The following MSH4 variants were observed in gnomAD, a reference collection of about 807,000 sequenced individuals.
MSH4 encodes mutS homolog 4, also known as mutS protein homolog 4.
In MSH4, 106 loss-of-function variants were observed where a neutral mutation model predicts 113.7. That is an observed-to-expected ratio of 0.93 (90% CI 0.80 to 1.10). The LOEUF (loss-of-function observed/expected upper bound fraction) is 1.10. Ranked by LOEUF, MSH4 falls within the 50% of genes least tolerant of loss-of-function variation. The pLI is 0.00. For synonymous variants in MSH4, 368 were observed against 380.2 expected (o/e 0.97, Z 0.37); for missense variants, 1,061 against 1,093.7 (o/e 0.97, Z 0.42).
intron 17 of MSH4, among the ~76,000 whole-genome samples, chr1:75,895,887 A>G (rs536077332): frequency 7.7e-4 from 117 of 152,204 alleles, no homozygotes; most frequent in Non-Finnish European, 1.3e-3. Context: ...GGAGATGCCT[A>G]TGGATGCCAA....
At chr1:75,832,684 A>G (rs1179949497) in intron 7 of MSH4, among the ~76,000 whole-genome samples, 2 of 151,982 alleles carry the variant, frequency 1.3e-5, no homozygotes, top group Non-Finnish European at 2.9e-5. Context: ...AAAGGCAAAA[A>G]CTCATGATTA....
intron 10 of MSH4, 139 bp downstream of exon 10, chr1:75,877,139 A>C (rs1342944068): frequency 4.5e-6 from 2 of 443,538 alleles, no homozygotes; most frequent in African/African-American, 2.0e-5. Flanking sequence ...TATTCATCAA[A>C]ATTCTAATTG....
At chr1:75,810,882 A>AT in intron 4 of MSH4, 75 bp downstream of exon 4, 3 of 732,764 alleles carry the variant, frequency 4.1e-6, no homozygotes, top group South Asian at 2.5e-5. Flanking sequence ...TTATTTATTT[A>AT]TTTTTTTGAG....
intron 7 of MSH4, among the ~76,000 whole-genome samples, chr1:75,832,167 A>T (rs989580801): frequency 6.6e-6 from 1 of 152,248 alleles, no homozygotes; most frequent in Admixed American, 6.5e-5. Flanking sequence ...CCTCTATGCA[A>T]ATAAACTAGA....
At chr1:75,866,810 A>C (rs1350073749) in intron 8 of MSH4, among the ~76,000 whole-genome samples, 3 of 151,532 alleles carry the variant, frequency 2.0e-5, no homozygotes, top group Non-Finnish European at 2.9e-5. Flanking sequence ...GTGAAACCCC[A>C]TCTCTATTAA....
Position 75,848,267 on chromosome 1 carries a change from G to A in MSH4, c.1221G>A (p.Lys407=). 1 of 1,598,018 alleles carries A rather than the reference G, an allele frequency of 6.3e-7. No homozygotes were observed. Among genetic ancestry groups the A allele is most frequent in the Non-Finnish European group, 8.6e-7 (1 of 1,166,666 alleles). ...QLLSVLVQIP[K]QDTVNAAESK... ...TTTCTGTTTTAGTCCAAATTCCAAAGCAAGACACGGTATGTTTTTGTATAC... is the reference window on the plus strand; with the variant it reads ...TTTCTGTTTTAGTCCAAATTCCAAAACAAGACACGGTATGTTTTTGTATAC... The change falls in exon 8 of 20, where the codon AAG becomes AAA. Residue 407 remains lysine (K), a synonymous_variant. Coordinates refer to ENST00000263187, the MANE Select transcript of MSH4 (RefSeq NM_002440.4).
chr1:75,856,560 A>G (rs1477103655), intron 8 of MSH4, among the ~76,000 whole-genome samples: 5 of 152,174 alleles, frequency 3.3e-5, no homozygotes, highest in Admixed American at 2.6e-4. Context: ...ATCTTGTGAT[A>G]GTTTGCTGAG....
At chr1:75,845,298 A>G (rs574361444) in intron 7 of MSH4, among the ~76,000 whole-genome samples, 2 of 152,294 alleles carry the variant, frequency 1.3e-5, no homozygotes, top group African/African-American at 4.8e-5. Context: ...AAAGTCCAGA[A>G]TCTCATCTGA....
intron 19 of MSH4, among the ~76,000 whole-genome samples, chr1:75,910,344 CTA>C (rs1652762707): frequency 6.6e-6 from 1 of 152,074 alleles, no homozygotes; most frequent in Admixed American, 6.6e-5. Flanking sequence ...CCTCTCTTGG[CTA>C]TGTGGAATTA....
intron 6 of MSH4, among the ~76,000 whole-genome samples, chr1:75,821,824 T>C (rs1650421010): frequency 6.6e-6 from 1 of 152,184 alleles, no homozygotes; most frequent in African/African-American, 2.4e-5. Context: ...TCCATGCTGG[T>C]CTTGAACTCC....
At chr1:75,821,822 G>T (rs998364810) in intron 6 of MSH4, among the ~76,000 whole-genome samples, 2 of 152,072 alleles carry the variant, frequency 1.3e-5, no homozygotes, top group African/African-American at 4.8e-5. Context: ...TGTCCATGCT[G>T]GTCTTGAACT....
Position 75,889,298 on chromosome 1 carries a change from A to G in MSH4, c.2155A>G (p.Ile719Val), listed in dbSNP as rs1203487956. ...EYSSFRIAKQIFTRISTDDDI... is the reference protein window; with the variant it reads ...EYSSFRIAKQVFTRISTDDDI... ...TTCTTCCTTTAGAATTGCTAAACAG[A>G]TTTTTACAAGAATTAGTACTGATGA... is the stretch of plus-strand genomic sequence containing the variant. The change falls in exon 16 of 20, where the codon ATT becomes GTT. Residue 719 changes from isoleucine (I) to valine (V), a missense_variant. Transcript: ENST00000263187. 12 of 1,541,286 alleles carry G rather than the reference A, an allele frequency of 7.8e-6. 1 individual carries two copies. In the Admixed American group the frequency reaches 2.0e-4, roughly 26 times the overall value.
At position 75,896,346 on chromosome 1, in the gene MSH4, AACACACACACAC is replaced by A. The variant is rs4035039; in HGVS notation, c.2356-1524_2356-1513del. 5.0e-3 allele frequency among the ~76,000 whole-genome samples: 689 copies of A among 137,290 alleles called. 8 individuals are homozygous for A. The highest frequency in any genetic ancestry group is 0.015 in the African/African-American group (557 of 37,964). The allele number at this position is 137,290 out of a possible 152,430, so 90.1% of individuals were successfully genotyped here. A position where few individuals can be genotyped will look rare whatever the true frequency, so the allele number is the denominator to read the frequency against. On this transcript the variant is annotated intron_variant, in intron 17 of 19. Coordinates refer to ENST00000263187, the MANE Select transcript of MSH4 (RefSeq NM_002440.4). ...ATAATAAATCTCTTTACACACATAC[AACACACACACAC>A]ACACACACACACACACACACACACA...
chr1:75,879,219 A>C (rs990234692), intron 12 of MSH4, 91 bp downstream of exon 12: 3 of 1,207,398 alleles, frequency 2.5e-6, no homozygotes, highest in African/African-American at 3.1e-5. Flanking sequence ...TTGCAAGCCA[A>C]ATTTCTGAAT....
At chr1:75,824,518 T>C (rs1274504728) in intron 7 of MSH4, among the ~76,000 whole-genome samples, 1 of 152,202 alleles carries the variant, frequency 6.6e-6, no homozygotes, top group Non-Finnish European at 1.5e-5. Flanking sequence ...GCCATTGCTT[T>C]TGGTGTTGTA....
At chr1:75,854,755 T>C (rs1651279613) in intron 8 of MSH4, among the ~76,000 whole-genome samples, 1 of 152,168 alleles carries the variant, frequency 6.6e-6, no homozygotes, top group Admixed American at 6.5e-5. Flanking sequence ...CCTTTTTTTC[T>C]TTGCATTTGT....
At chr1:75,819,803 C>T (rs887161911) in intron 6 of MSH4, among the ~76,000 whole-genome samples, 1 of 152,148 alleles carries the variant, frequency 6.6e-6, no homozygotes, top group African/African-American at 2.4e-5. Context: ...CTCCGCCTCC[C>T]GGGTTCAAGT....
intron 7 of MSH4, among the ~76,000 whole-genome samples, chr1:75,830,666 C>G (rs1412663484): frequency 1.3e-5 from 2 of 152,154 alleles, no homozygotes; most frequent in Non-Finnish European, 2.9e-5. Context: ...ATTTTCAACC[C>G]AGAATTTCAT....
intron 19 of MSH4, among the ~76,000 whole-genome samples, 181 bp downstream of exon 19, chr1:75,899,887 T>C (rs934740649): frequency 3.3e-5 from 5 of 151,416 alleles, no homozygotes; most frequent in Non-Finnish European, 7.4e-5. Context: ...TTTGGTTTGG[T>C]CTATTATAAT....
Sources: gnomAD v4.1 joint callset for allele counts (sites outside exome capture counted in the v4.1 genomes callset) on GRCh38, gnomAD v4.1.1 for gene constraint, MANE v1.5 for transcripts, NCBI Gene and HGNC (gene_info 2026-07-23, HGNC 2026-07-21) for gene names.